SLC8A1: variants seen among roughly 807,000 people sequenced by gnomAD.
SLC8A1 encodes the protein sodium/calcium exchanger 1.
SLC8A1 carries 18 observed loss-of-function variants against 68.3 expected under a neutral mutation model. The observed-to-expected ratio is 0.26, with a 90% CI of 0.18 to 0.39. The LOEUF is 0.39. SLC8A1 is among the 10% of genes least tolerant of loss of function. The pLI, the probability that SLC8A1 is intolerant of heterozygous loss-of-function variation, is 1.00. For missense variants in SLC8A1, 985 were observed against 1,156.7 expected, an observed-to-expected ratio of 0.85 and a Z score of 2.15; for synonymous variants, 475 against 415.5, an observed-to-expected ratio of 1.14 and a Z score of -1.74.
chr2:40,315,923 G>A (rs2074385019), intron 2 of SLC8A1, among the ~76,000 whole-genome samples: 1 of 152,022 alleles, frequency 6.6e-6, no homozygotes, highest in African/African-American at 2.4e-5. Flanking sequence ...ACCTGGGCAT[G>A]CAACCAAGTT....
chr2:40,421,019 G>A (rs913765011), intron 2 of SLC8A1, among the ~76,000 whole-genome samples: 2 of 152,018 alleles, frequency 1.3e-5, no homozygotes, highest in African/African-American at 4.8e-5. Flanking sequence ...GATACTTTAA[G>A]AATAGCATGA....
intron 2 of SLC8A1, among the ~76,000 whole-genome samples, chr2:40,271,379 C>T (rs923039028): frequency 2.0e-5 from 3 of 152,100 alleles, no homozygotes; most frequent in African/African-American, 4.8e-5. Flanking sequence ...GGGTTGACCC[C>T]GGATCTTTGC....
intron 2 of SLC8A1, among the ~76,000 whole-genome samples, chr2:40,315,929 A>C (rs1004818080): frequency 6.6e-6 from 1 of 152,060 alleles, no homozygotes; most frequent in African/African-American, 2.4e-5. Flanking sequence ...GCATGCAACC[A>C]AGTTAAGTAA....
intron 2 of SLC8A1, among the ~76,000 whole-genome samples, chr2:40,368,040 C>A (rs906242194): frequency 2.0e-5 from 3 of 152,068 alleles, no homozygotes; most frequent in African/African-American, 7.2e-5. Flanking sequence ...AATTTTTAAT[C>A]TATCATGCAC....
intron 2 of SLC8A1, among the ~76,000 whole-genome samples, chr2:40,397,009 T>A (rs1184321057): frequency 6.6e-6 from 1 of 152,156 alleles, no homozygotes; most frequent in South Asian, 2.1e-4. Context: ...AATGTCTAAA[T>A]ATTGCTTAAC....
chr2:40,373,860 G>T (rs939573767), intron 2 of SLC8A1, among the ~76,000 whole-genome samples: 4 of 152,082 alleles, frequency 2.6e-5, no homozygotes, highest in African/African-American at 9.7e-5. Context: ...TTCCCTGACA[G>T]TGCACCAAAA....
intron 2 of SLC8A1, among the ~76,000 whole-genome samples, chr2:40,297,204 G>T (rs535690469): frequency 7.6e-4 from 116 of 152,154 alleles, no homozygotes; most frequent in African/African-American, 2.7e-3. Flanking sequence ...ACCAGTGACT[G>T]CAAGACACAG....
intron 2 of SLC8A1, among the ~76,000 whole-genome samples, chr2:40,291,078 A>T (rs1441704479): frequency 1.3e-5 from 2 of 152,228 alleles, no homozygotes; most frequent in African/African-American, 4.8e-5. Context: ...TAGTGATCAT[A>T]GTACAAACTA....
intron 7 of SLC8A1, among the ~76,000 whole-genome samples, chr2:40,122,087 G>T (rs908092506): frequency 1.3e-5 from 2 of 151,960 alleles, no homozygotes. Flanking sequence ...GTTTACTTAT[G>T]TACTTGTTCT....
At chr2:40,214,090 G>A (rs1330628843) in intron 2 of SLC8A1, among the ~76,000 whole-genome samples, 7 of 152,156 alleles carry the variant, frequency 4.6e-5, no homozygotes, top group Admixed American at 1.3e-4. Context: ...CTAGGAATCT[G>A]GCATCTGCGT....
intron 2 of SLC8A1, among the ~76,000 whole-genome samples, chr2:40,273,584 G>A (rs182978899): frequency 5.0e-4 from 76 of 152,296 alleles, no homozygotes; most frequent in African/African-American, 1.7e-3. Context: ...GTACTTTATA[G>A]GATGTCCAAG....
intron 2 of SLC8A1, among the ~76,000 whole-genome samples, chr2:40,257,176 T>G (rs2064062184): frequency 6.6e-6 from 1 of 152,088 alleles, no homozygotes; most frequent in Non-Finnish European, 1.5e-5. Context: ...AAATGCATGA[T>G]GAAAATCATT....
At chr2:40,508,116 G>A (rs1706484033) in intron 1 of SLC8A1, among the ~76,000 whole-genome samples, 1 of 152,016 alleles carries the variant, frequency 6.6e-6, no homozygotes, top group African/African-American at 2.4e-5. Context: ...AAGGCAAGCT[G>A]CTGGGCAGAT....
intron 2 of SLC8A1, among the ~76,000 whole-genome samples, chr2:40,356,530 A>G (rs1256988612): frequency 6.6e-6 from 1 of 152,204 alleles, no homozygotes; most frequent in Non-Finnish European, 1.5e-5. Flanking sequence ...CCAAGAAAAA[A>G]AAAACTGCCT....
At chr2:40,504,349 A>C (rs1468594497) in intron 1 of SLC8A1, among the ~76,000 whole-genome samples, 1 of 152,138 alleles carries the variant, frequency 6.6e-6, no homozygotes, top group Non-Finnish European at 1.5e-5. Context: ...TCAAACCATG[A>C]AACTACTACA....
chr2:40,158,412 T>C (rs1354423850), intron 6 of SLC8A1, among the ~76,000 whole-genome samples: 1 of 152,244 alleles, frequency 6.6e-6, no homozygotes, highest in African/African-American at 2.4e-5. Flanking sequence ...TTTCTCAAAA[T>C]TGTAAATAAG....
chr2:40,111,703 G>T (rs187786485), exon 8 of SLC8A1: 74 of 152,230 alleles, frequency 4.9e-4, no homozygotes, highest in African/African-American at 1.7e-3. Context: ...ATAAGATATA[G>T]ACAGAAATCG....
chr2:40,345,537 T>A (rs1386948583), intron 2 of SLC8A1, among the ~76,000 whole-genome samples: 3 of 152,076 alleles, frequency 2.0e-5, no homozygotes, highest in Non-Finnish European at 4.4e-5. Context: ...ACTGATTTAT[T>A]CCCAGAGTTG....
In SLC8A1 at chr2:40,395,760, G is replaced by T. The variant is rs1482667613; in HGVS notation, c.1808+32713C>A. On this transcript the variant is annotated intron_variant, in intron 2 of 7. Coordinates refer to ENST00000406785, the Ensembl canonical transcript of SLC8A1. Reference sequence around the variant, plus strand: ...AAGACATGGGAAAGGAAAAGATAGGGATATAGAGTCAGAGCTGTTCCTTAA... The same window carrying T: ...AAGACATGGGAAAGGAAAAGATAGGTATATAGAGTCAGAGCTGTTCCTTAA... Among the ~76,000 whole-genome samples, 7 of 152,192 alleles carry T rather than the reference G, an allele frequency of 4.6e-5. No individual in the cohort carries two copies. In the South Asian group the frequency reaches 1.5e-3, roughly 32 times the overall value.
Sources: gnomAD v4.1 joint callset for allele counts (sites outside exome capture counted in the v4.1 genomes callset) on GRCh38, gnomAD v4.1.1 for gene constraint, MANE v1.5 for transcripts, NCBI Gene and HGNC (gene_info 2026-07-23, HGNC 2026-07-21) for gene names.